EP300: variants seen among roughly 807,000 people sequenced by gnomAD.
EP300 encodes the protein EP300 lysine acetyltransferase.
In EP300, 31 loss-of-function variants were observed where a neutral mutation model predicts 264.0. The observed-to-expected ratio is 0.12, with a 90% CI of 0.09 to 0.16. The LOEUF (loss-of-function observed/expected upper bound fraction) is 0.16. Ranked by LOEUF, EP300 falls within the 10% of genes least tolerant of loss-of-function variation. The pLI, the probability that EP300 is intolerant of heterozygous loss-of-function variation, is 1.00. For missense variants in EP300, 2,766 were observed against 3,052.9 expected (o/e 0.91, Z 2.21); for synonymous variants, 1,340 against 1,045.4 (o/e 1.28, Z -5.44).
intron 18 of EP300, 103 bp downstream of exon 18, chr22:41,157,511 GCTT>G: frequency 1.1e-6 from 1 of 890,214 alleles, no homozygotes; most frequent in Non-Finnish European, 1.6e-6. Context: ...CTTTGACATG[GCTT>G]TTTTTTTTTT....
chr22:41,143,120 G>A (rs1421878865), intron 10 of EP300, among the ~76,000 whole-genome samples: 2 of 152,138 alleles, frequency 1.3e-5, no homozygotes, highest in African/African-American at 4.8e-5. Flanking sequence ...TGTAGAATGA[G>A]ATTCTTACCT....
chr22:41,142,740 G>A (rs954735478), intron 10 of EP300, among the ~76,000 whole-genome samples: 1 of 152,232 alleles, frequency 6.6e-6, no homozygotes, highest in East Asian at 1.9e-4. Flanking sequence ...AAAACAATTA[G>A]CCGGGCATGG....
intron 3 of EP300, chr22:41,126,271 G>A (rs1450501043): frequency 3.9e-6 from 2 of 510,968 alleles, no homozygotes; most frequent in Non-Finnish European, 7.0e-6. Context: ...ACAGGAGTAA[G>A]TGAACTGCTA....
Position 41,117,831 on chromosome 22 carries a change from G to A in EP300, c.729+10G>A. 6.2e-7 allele frequency: 1 copy of A among 1,613,554 alleles called. No homozygotes were observed. The highest frequency in any genetic ancestry group is 2.2e-5 in the East Asian group (1 of 44,890). The stretch of plus-strand genomic sequence containing the variant: ...CCCCCAGCCTCTTAAGGTAAGTACA[G>A]TTTTGGTTTGTGTGCACAATCGGCA... On this transcript the variant is annotated intron_variant, in intron 2 of 30. Coordinates refer to ENST00000263253, the MANE Select transcript of EP300 (RefSeq NM_001429.4).
Position 41,150,010 on chromosome 22 carries a change from G to A in EP300, c.2629G>A (p.Ala877Thr), listed in dbSNP as rs772289466. Reference protein sequence around the residue: ...PAMPPGPQSQALHPPPRQTPT... With the variant: ...PAMPPGPQSQTLHPPPRQTPT... ...CATGCCACCTGGGCCACAGTCCCAG[G>A]CTCTACATCCCCCTCCAAGGCAGAC... is the stretch of plus-strand genomic sequence containing the variant. The change falls in exon 14 of 31, where the codon GCT becomes ACT. Residue 877 changes from alanine (A) to threonine (T), a missense_variant. Transcript: ENST00000263253. 1.1e-5 allele frequency: 18 copies of A among 1,613,778 alleles called. No individual in the cohort carries two copies. The highest frequency in any genetic ancestry group is 4.0e-5 in the African/African-American group (3 of 74,832).
At chr22:41,136,016 T>G in intron 7 of EP300, 110 bp downstream of exon 7, 1 of 836,398 alleles carries the variant, frequency 1.2e-6, no homozygotes, top group South Asian at 1.4e-5. Flanking sequence ...TGTCTTTGAA[T>G]ACAGATAGAT....
chr22:41,092,807 C>G lies in EP300; in HGVS notation c.-198C>G. 1.5e-6 allele frequency: 1 copy of G among 675,246 alleles called. No individual in the cohort carries two copies. Among genetic ancestry groups the G allele is most frequent in the Non-Finnish European group, 2.7e-6 (1 of 373,662 alleles). The allele number at this position is 675,246 out of a possible 1,614,324, so 41.8% of individuals were successfully genotyped here. A position where few individuals can be genotyped will look rare whatever the true frequency, so the allele number is the denominator to read the frequency against. On this transcript the variant is annotated 5_prime_UTR_variant, in exon 1 of 31. Transcript: ENST00000263253. ...CCCAGGCCCGGCCCCTCGCACTTGC[C>G]CTTACCTTTTCTATCGAGTCCGCAT... is the stretch of plus-strand genomic sequence containing the variant.
chr22:41,139,532 A>G (rs907730414), intron 8 of EP300, among the ~76,000 whole-genome samples: 2 of 152,210 alleles, frequency 1.3e-5, no homozygotes, highest in African/African-American at 2.4e-5. Flanking sequence ...GTCCTATGCA[A>G]CTGAGTACGG....
At chr22:41,145,517 C>T (rs2059005674) in intron 10 of EP300, among the ~76,000 whole-genome samples, 1 of 152,226 alleles carries the variant, frequency 6.6e-6, no homozygotes, top group South Asian at 2.1e-4. Context: ...GACATCTGTC[C>T]TTTCCGAGGG....
intron 26 of EP300, 37 bp from the exon 27 acceptor site, chr22:41,170,369 C>T (rs756257924): frequency 1.3e-6 from 2 of 1,592,538 alleles, no homozygotes; most frequent in South Asian, 1.1e-5. Flanking sequence ...AATAGATTAT[C>T]TCTTTTCCTT....
At chr22:41,126,167 C>A in intron 3 of EP300, 127 bp downstream of exon 3, 1 of 911,522 alleles carries the variant, frequency 1.1e-6, no homozygotes, top group Non-Finnish European at 1.7e-6. Flanking sequence ...TTGATATGTA[C>A]TTGATGATCC....
chr22:41,179,696 T>C lies in EP300; in HGVS notation c.*740T>C, dbSNP rs1267246834. The stretch of plus-strand genomic sequence containing the variant: ...AAAATATACAGGGGCAGCTGCCAAA[T>C]TGATGTATTATATATTGTGGTTTCT... On this transcript the variant is annotated 3_prime_UTR_variant, in exon 31 of 31. Transcript: ENST00000263253. 2 of 229,418 alleles carry C rather than the reference T, an allele frequency of 8.7e-6. No homozygotes were observed. Among genetic ancestry groups the C allele is most frequent in the African/African-American group, 4.5e-5 (2 of 44,922 alleles). 14.2% of individuals were successfully genotyped at this position (229,418 alleles called of 1,614,324 possible).
At chr22:41,169,373 G>A (rs1399658547) in intron 25 of EP300, 130 bp from the exon 26 acceptor site, 2 of 710,042 alleles carry the variant, frequency 2.8e-6, no homozygotes, top group East Asian at 5.3e-5. Context: ...TGCCTGTGAT[G>A]AGCTTCACAA....
intron 1 of EP300, among the ~76,000 whole-genome samples, chr22:41,107,800 A>G (rs1356360133): frequency 2.0e-5 from 3 of 152,134 alleles, no homozygotes; most frequent in Non-Finnish European, 4.4e-5. Context: ...TCCTGGGTTC[A>G]AGCGATTCTC....
At chr22:41,136,118 C>T (rs1288053990) in intron 7 of EP300, among the ~76,000 whole-genome samples, 1 of 152,136 alleles carries the variant, frequency 6.6e-6, no homozygotes, top group African/African-American at 2.4e-5. Flanking sequence ...CCTCCTGGTT[C>T]TGGTTAAAGC....
chr22:41,106,919 T>C (rs1569084850), intron 1 of EP300, among the ~76,000 whole-genome samples: 1 of 152,152 alleles, frequency 6.6e-6, no homozygotes, highest in East Asian at 1.9e-4. Context: ...TTTATTTTTA[T>C]TTTTTGAGGT....
chr22:41,158,838 T>G, intron 19 of EP300: 1 of 274,298 alleles, frequency 3.6e-6, no homozygotes, highest in East Asian at 8.1e-5. Context: ...CTGAGAAGAT[T>G]TTTAAACTTT....
intron 11 of EP300, 58 bp from the exon 12 acceptor site, chr22:41,147,779 C>A: frequency 1.8e-6 from 2 of 1,131,664 alleles, no homozygotes; most frequent in Non-Finnish European, 2.7e-6. Flanking sequence ...AGAATTCTAT[C>A]TTTTATTATT....
At chr22:41,172,384 G>C in intron 27 of EP300, 115 bp from the exon 28 acceptor site, 1 of 969,898 alleles carries the variant, frequency 1.0e-6, no homozygotes, top group Non-Finnish European at 1.6e-6. Context: ...TAAAGTCTCT[G>C]CCAGCTTTCA....
Sources: gnomAD v4.1 joint callset for allele counts (sites outside exome capture counted in the v4.1 genomes callset) on GRCh38, gnomAD v4.1.1 for gene constraint, MANE v1.5 for transcripts, NCBI Gene and HGNC (gene_info 2026-07-23, HGNC 2026-07-21) for gene names.